The following AGAP1 variants were observed in gnomAD, a reference collection of about 807,000 sequenced individuals.
AGAP1 encodes the protein arf-GAP with GTPase, ANK repeat and PH domain-containing protein 1.
In AGAP1, 29 loss-of-function variants were observed where a neutral mutation model predicts 105.3. The observed-to-expected ratio is 0.28, with a 90% CI of 0.21 to 0.38. The LOEUF (loss-of-function observed/expected upper bound fraction) is 0.38, where lower values mean the gene tolerates loss of function less well. Ranked by LOEUF, AGAP1 falls within the 10% of genes least tolerant of loss-of-function variation. AGAP1 has a pLI of 1.00. For missense variants in AGAP1, 998 were observed against 1,165.1 expected (o/e 0.86, Z 2.09); for synonymous variants, 509 against 485.9 (o/e 1.05, Z -0.63).
In AGAP1 at chr2:236,131,487, G is replaced by GT. The variant is rs397942051; in HGVS notation, c.*7375dup. 515 of 148,532 alleles carry GT rather than the reference G, an allele frequency of 3.5e-3. 1 individual carries two copies. The highest frequency in any genetic ancestry group is 0.01 in the African/African-American group (418 of 40,604). 9.2% of individuals were successfully genotyped at this position (148,532 alleles called of 1,614,324 possible). A position where few individuals can be genotyped will look rare whatever the true frequency, so the allele number is the denominator to read the frequency against. ...TGGGTGTATCCACAGATGGGTTTAG[G>GT]TTTTTTTTTTGGATGTTTTCTATTA... On this transcript the variant is annotated 3_prime_UTR_variant, in exon 18 of 18. Coordinates refer to ENST00000304032, the MANE Select transcript of AGAP1 (RefSeq NM_001037131.3). This position sits in a 1 kb window ranked among gnomAD's most constrained non-coding sequence, Gnocchi z 5.9.
chr2:236,081,668 GTTT>G (rs35088277), intron 16 of AGAP1, among the ~76,000 whole-genome samples: 4 of 135,192 alleles, frequency 3.0e-5, no homozygotes, highest in Non-Finnish European at 6.4e-5. Flanking sequence ...AGTTCTGTGG[GTTT>G]TTTTTTTTTT....
intron 1 of AGAP1, among the ~76,000 whole-genome samples, chr2:235,699,532 AC>A (rs1950157338): frequency 6.6e-6 from 1 of 151,916 alleles, no homozygotes; most frequent in Non-Finnish European, 1.5e-5. Flanking sequence ...TCTTTGTAAA[AC>A]CCCTGGAGCA....
At chr2:235,594,883 G>GTTT (rs34386154) in intron 1 of AGAP1, among the ~76,000 whole-genome samples, 7,255 of 109,662 alleles carry the variant, frequency 0.066, 367 homozygotes, top group Non-Finnish European at 0.084. Context: ...CCAGATTGCT[G>GTTT]TTTTTTTTTT....
chr2:235,565,392 G>C (rs929315973), intron 1 of AGAP1, among the ~76,000 whole-genome samples: 2 of 152,226 alleles, frequency 1.3e-5, no homozygotes, highest in African/African-American at 4.8e-5. Context: ...TGTTTTATAG[G>C]AATGAAGGGG....
chr2:236,108,607 C>T (rs568627750), intron 16 of AGAP1, among the ~76,000 whole-genome samples: 3 of 152,276 alleles, frequency 2.0e-5, no homozygotes, highest in Admixed American at 6.5e-5. Context: ...TTGGCCTTTT[C>T]GCACTGGAAG....
chr2:235,808,532 G>C (rs1201457243), intron 9 of AGAP1, among the ~76,000 whole-genome samples: 1 of 152,198 alleles, frequency 6.6e-6, no homozygotes, highest in Non-Finnish European at 1.5e-5. Flanking sequence ...GGTGAGACCA[G>C]AGGAGGGAGT....
At chr2:235,506,559 C>T (rs1235112101) in intron 1 of AGAP1, among the ~76,000 whole-genome samples, 4 of 151,784 alleles carry the variant, frequency 2.6e-5, no homozygotes, top group African/African-American at 9.7e-5. Flanking sequence ...ATGATATTGT[C>T]TTTTGGGGGG....
chr2:235,892,782 G>A (rs1050766461), intron 10 of AGAP1, among the ~76,000 whole-genome samples: 8 of 152,226 alleles, frequency 5.3e-5, no homozygotes, highest in South Asian at 2.1e-4. Context: ...TCTTGAGGTC[G>A]TGAACATTCA....
intron 1 of AGAP1, among the ~76,000 whole-genome samples, chr2:235,546,713 G>C (rs930804442): frequency 6.6e-6 from 1 of 152,156 alleles, no homozygotes; most frequent in Non-Finnish European, 1.5e-5. Flanking sequence ...TTGGAGTCCA[G>C]AACCACATGA....
chr2:235,706,701 C>T (rs1271641309), intron 1 of AGAP1, among the ~76,000 whole-genome samples: 1 of 152,172 alleles, frequency 6.6e-6, no homozygotes, highest in Non-Finnish European at 1.5e-5. Flanking sequence ...CATGATGTGG[C>T]TATATCCACA....
chr2:235,507,846 G>A (rs1211649372), intron 1 of AGAP1, among the ~76,000 whole-genome samples: 1 of 152,046 alleles, frequency 6.6e-6, no homozygotes, highest in Non-Finnish European at 1.5e-5. Context: ...ACACATGCAG[G>A]TGTGTTATAT....
At chr2:235,923,233 C>T (rs1351190423) in intron 11 of AGAP1, among the ~76,000 whole-genome samples, 1 of 152,186 alleles carries the variant, frequency 6.6e-6, no homozygotes, top group East Asian at 1.9e-4. Flanking sequence ...AAGCCAGCAT[C>T]CTATACTGTT....
chr2:235,536,406 TAC>T (rs71300670), intron 1 of AGAP1, among the ~76,000 whole-genome samples: 43 of 3,950 alleles, frequency 0.011, 4 homozygotes, highest in African/African-American at 0.018. Flanking sequence ...TGTGGCATCC[TAC>T]ACACACACAC....
chr2:235,844,328 AGCTCCCACCC>A (rs1961215128), intron 9 of AGAP1, among the ~76,000 whole-genome samples: 1 of 152,172 alleles, frequency 6.6e-6, no homozygotes, highest in East Asian at 1.9e-4. Flanking sequence ...CAGGGAGGGC[AGCTCCCACCC>A]ACAGGGGCAG....
chr2:235,838,843 T>C (rs148684870), intron 9 of AGAP1, among the ~76,000 whole-genome samples: 36 of 152,290 alleles, frequency 2.4e-4, no homozygotes, highest in African/African-American at 7.7e-4. Flanking sequence ...CCTAATTGAT[T>C]AAAGACTTTT....
chr2:235,805,461 T>G (rs763846719), intron 8 of AGAP1, among the ~76,000 whole-genome samples: 30 of 152,202 alleles, frequency 2.0e-4, no homozygotes, highest in Non-Finnish European at 2.9e-5. Flanking sequence ...CTGGTTTAAT[T>G]AACCAGAATA....
intron 9 of AGAP1, among the ~76,000 whole-genome samples, chr2:235,846,802 T>C (rs778650363): frequency 5.3e-5 from 8 of 152,076 alleles, no homozygotes; most frequent in Non-Finnish European, 1.0e-4. Context: ...ATGCCTGGCT[T>C]TTTTTGTAGA....
rs1036945462 is a variant in AGAP1, at chr2:235,667,408, CT to C, written c.164-41768del. Among the ~76,000 whole-genome samples, 19 of 152,216 alleles carry C rather than the reference CT, an allele frequency of 1.2e-4. No homozygotes were observed. In the Middle Eastern group the frequency reaches 0.01, roughly 82 times the overall value. On this transcript the variant is annotated intron_variant, in intron 1 of 17. Transcript: ENST00000304032. ...GAGTTCAGTAATATTCACATGTTTA[CT>C]TTGGTCTTTGTTATCAACAAAGCAG...
At chr2:236,066,932 C>T (rs971016282) in intron 16 of AGAP1, among the ~76,000 whole-genome samples, 1 of 152,142 alleles carries the variant, frequency 6.6e-6, no homozygotes, top group African/African-American at 2.4e-5. Context: ...GCTACTATCA[C>T]TCAAAAATGT....
Sources: gnomAD v4.1 joint callset for allele counts (sites outside exome capture counted in the v4.1 genomes callset) on GRCh38, gnomAD v4.1.1 for gene constraint, Gnocchi (gnomAD v3.1) non-coding constraint, MANE v1.5 for transcripts, NCBI Gene and HGNC (gene_info 2026-07-23, HGNC 2026-07-21) for gene names.